Variants in AUTS2 observed in about 807,000 individuals in gnomAD.
AUTS2 encodes the protein activator of transcription and developmental regulator AUTS2, also known as autism susceptibility gene 2 protein.
Under a neutral mutation model 112.4 loss-of-function variants are expected in AUTS2, and 17 were observed. That is an observed-to-expected ratio of 0.15 (90% CI 0.10 to 0.23). The LOEUF is 0.23. Ranked by LOEUF, AUTS2 falls within the 10% of genes least tolerant of loss-of-function variation. The pLI is 1.00. For missense variants in AUTS2, 1,510 were observed against 1,701.6 expected, an observed-to-expected ratio of 0.89 and a Z score of 1.98; for synonymous variants, 751 against 702.7, an observed-to-expected ratio of 1.07 and a Z score of -1.09.
At chr7:70,692,680 T>G (rs1808815034) in intron 5 of AUTS2, among the ~76,000 whole-genome samples, 1 of 151,950 alleles carries the variant, frequency 6.6e-6, no homozygotes, top group Non-Finnish European at 1.5e-5. Context: ...GAGGGGGTGA[T>G]GAAGCTAGAG....
intron 1 of AUTS2, among the ~76,000 whole-genome samples, chr7:69,669,159 A>G (rs938947139): frequency 1.3e-5 from 2 of 152,356 alleles, no homozygotes; most frequent in Middle Eastern, 3.4e-3. Context: ...CTGGAGAAGA[A>G]TTTCAAAAAT....
At chr7:70,681,229 C>G (rs916145940) in intron 5 of AUTS2, among the ~76,000 whole-genome samples, 1 of 152,224 alleles carries the variant, frequency 6.6e-6, no homozygotes, top group African/African-American at 2.4e-5. Flanking sequence ...GCAGATGGCT[C>G]TGCGTGGGGC....
chr7:70,256,672 G>A (rs1391757910), intron 4 of AUTS2, among the ~76,000 whole-genome samples: 3 of 152,134 alleles, frequency 2.0e-5, no homozygotes, highest in Admixed American at 2.0e-4. Context: ...CTTAGGGCTC[G>A]CATTTTTAGG....
intron 3 of AUTS2, among the ~76,000 whole-genome samples, chr7:70,124,630 T>G (rs1805863942): frequency 6.6e-6 from 1 of 152,138 alleles, no homozygotes. Flanking sequence ...TGGCATGATC[T>G]TGGCTCACTG....
In AUTS2 at chr7:69,884,990, A is replaced by G. The variant is rs554532654; in HGVS notation, c.310-14296A>G. Among the ~76,000 whole-genome samples the G allele has an allele frequency of 1.2e-4, 19 of 152,290 alleles. 1 individual carries two copies. The South Asian group carries it at 3.9e-3, about 32-fold the overall frequency. On this transcript the variant is annotated intron_variant, in intron 1 of 18. Transcript: ENST00000342771. ...ATTTTTACCTATATGATGCCAAGGG[A>G]AAGAAAATTCTGTCTGGATAAATCC...
At chr7:70,153,029 T>C (rs1807530663) in intron 4 of AUTS2, among the ~76,000 whole-genome samples, 3 of 152,182 alleles carry the variant, frequency 2.0e-5, no homozygotes, top group Non-Finnish European at 1.5e-5. Context: ...TAAAATGTTA[T>C]ATATGTATGT....
chr7:70,598,427 C>T (rs1297299955), intron 5 of AUTS2, among the ~76,000 whole-genome samples: 5 of 152,184 alleles, frequency 3.3e-5, no homozygotes, highest in African/African-American at 4.8e-5. Flanking sequence ...AGATACAACA[C>T]GGATGGAAAT....
chr7:70,736,251 A>G (rs896478087), intron 6 of AUTS2, among the ~76,000 whole-genome samples: 3 of 152,110 alleles, frequency 2.0e-5, no homozygotes, highest in Non-Finnish European at 1.5e-5. Context: ...ATTGAACTGA[A>G]GAGTTAAATA....
At chr7:69,631,712 C>T (rs2129104305) in intron 1 of AUTS2, among the ~76,000 whole-genome samples, 1 of 152,280 alleles carries the variant, frequency 6.6e-6, no homozygotes, top group Non-Finnish European at 1.5e-5. Context: ...ATAACTTTGC[C>T]AGCCGTACAG....
intron 5 of AUTS2, among the ~76,000 whole-genome samples, chr7:70,674,285 T>TA (rs1807799145): frequency 2.6e-5 from 4 of 152,318 alleles, no homozygotes; most frequent in Admixed American, 2.6e-4. Context: ...TTCTCTTTTT[T>TA]AAAAAAATTC....
intron 1 of AUTS2, among the ~76,000 whole-genome samples, chr7:69,669,149 C>G (rs1398027400): frequency 1.3e-5 from 2 of 152,090 alleles, no homozygotes; most frequent in Non-Finnish European, 2.9e-5. Context: ...GTATGTTTTA[C>G]TGGAGAAGAA....
At chr7:70,482,433 A>T (rs1252573055) in intron 5 of AUTS2, among the ~76,000 whole-genome samples, 2 of 152,152 alleles carry the variant, frequency 1.3e-5, no homozygotes, top group Non-Finnish European at 2.9e-5. Context: ...GAAAAGGGAG[A>T]AAGACTGAGA....
chr7:70,044,721 G>A (rs757467549), intron 2 of AUTS2, among the ~76,000 whole-genome samples: 6 of 152,314 alleles, frequency 3.9e-5, no homozygotes, highest in Admixed American at 3.9e-4. Flanking sequence ...CAGATCTCAT[G>A]TTGATAGAGT....
chr7:70,718,877 G>A (rs1288760262), intron 6 of AUTS2, among the ~76,000 whole-genome samples: 1 of 152,012 alleles, frequency 6.6e-6, no homozygotes. Context: ...GGACACTTTT[G>A]AGAGTGAAAT....
chr7:69,920,263 C>T (rs1031827412), intron 2 of AUTS2, among the ~76,000 whole-genome samples: 2 of 151,974 alleles, frequency 1.3e-5, no homozygotes, highest in South Asian at 4.2e-4. Context: ...TAGCTCTCCT[C>T]TCCTCTCCTC....
chr7:70,771,323 C>G, intron 10 of AUTS2: 2 of 371,744 alleles, frequency 5.4e-6, no homozygotes, highest in Non-Finnish European at 9.7e-6. Flanking sequence ...TGCCCTCACC[C>G]GGGATGTCAT....
At chr7:70,416,678 G>A (rs956457741) in intron 4 of AUTS2, among the ~76,000 whole-genome samples, 8 of 152,146 alleles carry the variant, frequency 5.3e-5, no homozygotes, top group Non-Finnish European at 8.8e-5. Flanking sequence ...ATGTTCTCTC[G>A]CCTACAACCT....
chr7:70,088,049 T>G (rs1392573379), intron 2 of AUTS2, among the ~76,000 whole-genome samples: 1 of 151,966 alleles, frequency 6.6e-6, no homozygotes, highest in Non-Finnish European at 1.5e-5. Context: ...TTTTTTTTTT[T>G]CCAGGTCAGT....
intron 5 of AUTS2, among the ~76,000 whole-genome samples, chr7:70,497,710 T>C (rs1321933527): frequency 1.3e-5 from 2 of 152,164 alleles, no homozygotes; most frequent in Non-Finnish European, 2.9e-5. Context: ...GGGGCATAGC[T>C]GAGTCAGGGA....
Sources: allele counts gnomAD v4.1 joint callset (sites outside exome capture counted in the v4.1 genomes callset), GRCh38; gene constraint gnomAD v4.1.1; transcripts MANE v1.5; gene names NCBI Gene and HGNC (gene_info 2026-07-23, HGNC 2026-07-21).